Variants in ETV6 observed in about 807,000 individuals in gnomAD.
The protein encoded by ETV6 is transcription factor ETV6.
A neutral mutation model predicts 51.1 loss-of-function variants in ETV6; 16 were observed. That is an observed-to-expected ratio of 0.31 (90% CI 0.21 to 0.48). The LOEUF is 0.48. Among genes scored for constraint, ETV6 ranks in the 20% least tolerant of loss-of-function variants. The probability of loss-of-function intolerance (pLI) is 0.99; values close to 1 mark genes in which losing one functional copy is unlikely to be tolerated. For missense variants in ETV6, 458 were observed against 594.8 expected (o/e 0.77, Z 2.39); for synonymous variants, 240 against 224.1 (o/e 1.07, Z -0.64).
chr12:11,734,855 A>G (rs1865672717), intron 1 of ETV6, among the ~76,000 whole-genome samples: 1 of 152,184 alleles, frequency 6.6e-6, no homozygotes, highest in Non-Finnish European at 1.5e-5. Flanking sequence ...GCTCTTAACC[A>G]CTATGCTATA....
intron 1 of ETV6, among the ~76,000 whole-genome samples, chr12:11,664,618 C>T (rs572261608): frequency 1.8e-4 from 27 of 152,172 alleles, no homozygotes; most frequent in Non-Finnish European, 3.8e-4. Context: ...GGTTAGCGAA[C>T]GGTGACCCTT....
In ETV6 at chr12:11,853,437, C is replaced by G. The variant is rs72550784; in HGVS notation, c.339C>G (p.Leu113=). Residue 113 remains leucine, a synonymous_variant, in exon 4 of 8, where the codon CTC becomes CTG. Coordinates refer to ENST00000396373, the MANE Select transcript of ETV6 (RefSeq NM_001987.5). ...CCTTTTTCTTTCCAGGTGATGTGCTCTATGAACTCCTTCAGCATATTCTGA... is the reference window on the plus strand; with the variant it reads ...CCTTTTTCTTTCCAGGTGATGTGCTGTATGAACTCCTTCAGCATATTCTGA... The part of the protein sequence containing the change: ...RYRSPHSGDV[L]YELLQHILKQ... The G allele has an allele frequency of 1.1e-5, 18 of 1,614,158 alleles. No individual in the cohort carries two copies. Among genetic ancestry groups the G allele is most frequent in the Non-Finnish European group, 1.4e-5 (16 of 1,180,032 alleles).
intron 2 of ETV6, among the ~76,000 whole-genome samples, chr12:11,796,627 G>A (rs1036323442): frequency 6.6e-6 from 1 of 152,190 alleles, no homozygotes; most frequent in African/African-American, 2.4e-5. Context: ...TGAAACCAGA[G>A]CTTCCGCTGT....
At chr12:11,864,855 C>T (rs187833664) in intron 4 of ETV6, among the ~76,000 whole-genome samples, 47 of 152,238 alleles carry the variant, frequency 3.1e-4, no homozygotes, top group Admixed American at 1.5e-3. Context: ...TTTTGATGAT[C>T]AACTCAAGGC....
At chr12:11,767,064 G>C (rs1458969687) in intron 2 of ETV6, among the ~76,000 whole-genome samples, 1 of 152,144 alleles carries the variant, frequency 6.6e-6, no homozygotes, top group Non-Finnish European at 1.5e-5. Flanking sequence ...AAGGATGGCG[G>C]TATCATTTGG....
chr12:11,801,525 C>T (rs1003979969), intron 2 of ETV6, among the ~76,000 whole-genome samples: 2 of 152,238 alleles, frequency 1.3e-5, no homozygotes, highest in Non-Finnish European at 2.9e-5. Context: ...CCTCCAAGGG[C>T]ATACCTGACT....
At chr12:11,709,673 G>A (rs1485162109) in intron 1 of ETV6, among the ~76,000 whole-genome samples, 1 of 152,242 alleles carries the variant, frequency 6.6e-6, no homozygotes, top group African/African-American at 2.4e-5. Flanking sequence ...ATTTATGGAT[G>A]AGACTAATAT....
At chr12:11,715,326 A>G (rs926375648) in intron 1 of ETV6, among the ~76,000 whole-genome samples, 1 of 152,156 alleles carries the variant, frequency 6.6e-6, no homozygotes, top group African/African-American at 2.4e-5. Flanking sequence ...AGATGAAGAG[A>G]AGGAGGCCAA....
Position 11,729,910 on chromosome 12 carries a change from C to A in ETV6, c.34-22540C>A, listed in dbSNP as rs934417401. Among the ~76,000 whole-genome samples the A allele has an allele frequency of 7.9e-5, 12 of 152,154 alleles. 1 individual carries two copies. Among genetic ancestry groups the A allele is most frequent in the Admixed American group, 3.9e-4 (6 of 15,274 alleles). ...GTAGACCAGCTGTCCTGGGTTTTAT[C>A]CCTATGTGTTTTTTGCTGATTCACA... is the stretch of plus-strand genomic sequence containing the variant. On this transcript the variant is annotated intron_variant, in intron 1 of 7. Coordinates refer to ENST00000396373, the MANE Select transcript of ETV6 (RefSeq NM_001987.5).
intron 1 of ETV6, among the ~76,000 whole-genome samples, chr12:11,695,527 C>G (rs1864860210): frequency 6.6e-6 from 1 of 152,206 alleles, no homozygotes; most frequent in Non-Finnish European, 1.5e-5. Context: ...TGGAGCAAAT[C>G]CTAATGGCAC....
chr12:11,869,565 G>T lies in ETV6; in HGVS notation c.605G>T (p.Arg202Leu). The T allele has an allele frequency of 6.2e-7, 1 of 1,614,058 alleles. No homozygotes were observed. Among genetic ancestry groups the T allele is most frequent in the South Asian group, 1.1e-5 (1 of 91,072 alleles). ...PSPDPEQRPLRSPLDNMIRRL... is the reference protein window; with the variant it reads ...PSPDPEQRPLLSPLDNMIRRL... ...CCTGACCCCGAGCAGCGGCCCCTCC[G>T]GTCCCCCCTGGACAACATGATCCGC... The change falls in exon 5 of 8, where the codon CGG (arginine) becomes CTG (leucine). Residue 202 changes from arginine (R) to leucine (L), a missense_variant. Arg to Leu is a moderately radical substitution (Grantham distance 102). This residue lies in a region of ETV6 where 293 missense variants were observed against 315.7 expected (regional missense o/e 0.93). Transcript: ENST00000396373. The surrounding 1 kb of genome is among the most constrained non-coding windows in gnomAD (Gnocchi z 5.0).
chr12:11,859,433 A>T (rs1397331256), intron 4 of ETV6, among the ~76,000 whole-genome samples: 2 of 151,660 alleles, frequency 1.3e-5, no homozygotes, highest in African/African-American at 4.8e-5. Context: ...GAGCCACCAC[A>T]CCCGGCCTGA....
At chr12:11,792,037 C>G (rs896248668) in intron 2 of ETV6, among the ~76,000 whole-genome samples, 1 of 152,128 alleles carries the variant, frequency 6.6e-6, no homozygotes, top group Non-Finnish European at 1.5e-5. Flanking sequence ...AGCAAGGAGC[C>G]AGCTCTGAGA....
intron 1 of ETV6, among the ~76,000 whole-genome samples, chr12:11,650,524 C>G (rs1437361483): frequency 7.2e-6 from 1 of 139,226 alleles, no homozygotes; most frequent in Non-Finnish European, 1.6e-5. Context: ...AACCTGCTCC[C>G]TATTCCTACA....
At chr12:11,750,584 A>G (rs1866002581) in intron 1 of ETV6, among the ~76,000 whole-genome samples, 1 of 152,212 alleles carries the variant, frequency 6.6e-6, no homozygotes, top group Non-Finnish European at 1.5e-5. Flanking sequence ...TCACTTCTGC[A>G]AAAACCCTAA....
At chr12:11,878,463 C>A (rs755331117) in intron 5 of ETV6, among the ~76,000 whole-genome samples, 46 of 152,052 alleles carry the variant, frequency 3.0e-4, no homozygotes, top group Admixed American at 5.2e-4. Context: ...GGAGGCTGGG[C>A]CTTATTAGGT....
At chr12:11,727,338 C>T (rs1865510043) in intron 1 of ETV6, among the ~76,000 whole-genome samples, 3 of 152,374 alleles carry the variant, frequency 2.0e-5, no homozygotes, top group South Asian at 4.1e-4. Context: ...ACAGACCCAG[C>T]TTTTGTTGTG....
At chr12:11,885,873 C>A in intron 6 of ETV6, 53 bp from the exon 7 acceptor site, 1 of 1,348,904 alleles carries the variant, frequency 7.4e-7, no homozygotes, top group South Asian at 1.2e-5. Flanking sequence ...TTCTGAGGTT[C>A]ATTTCATTGT....
chr12:11,779,246 A>G (rs1945377716), intron 2 of ETV6, among the ~76,000 whole-genome samples: 1 of 152,208 alleles, frequency 6.6e-6, no homozygotes, highest in African/African-American at 2.4e-5. Context: ...GCTCTTTTAC[A>G]GCTTGTACTT....
Sources: allele counts gnomAD v4.1 joint callset (sites outside exome capture counted in the v4.1 genomes callset), GRCh38; gene constraint gnomAD v4.1.1; regional missense constraint gnomAD v4.1.1; non-coding constraint Gnocchi (gnomAD v3.1); transcripts MANE v1.5; gene names NCBI Gene and HGNC (gene_info 2026-07-23, HGNC 2026-07-21).